Variants in TWIST2 observed in about 807,000 individuals in gnomAD.
TWIST2 encodes twist-related protein 2.
TWIST2 carries 1 observed loss-of-function variant against 11.6 expected under a neutral mutation model. That is an observed-to-expected ratio of 0.09 (90% CI 0.03 to 0.41). TWIST2 has a LOEUF of 0.41. Among genes scored for constraint, TWIST2 ranks in the 10% least tolerant of loss-of-function variants. TWIST2 has a pLI of 0.98. For synonymous variants in TWIST2, 87 were observed against 96.6 expected, an observed-to-expected ratio of 0.90 and a Z score of 0.58; for missense variants, 168 against 226.4, an observed-to-expected ratio of 0.74 and a Z score of 1.66.
At chr2:238,889,729 G>A (rs1021509223) in intron 1 of TWIST2, among the ~76,000 whole-genome samples, 1 of 152,176 alleles carries the variant, frequency 6.6e-6, no homozygotes, top group African/African-American at 2.4e-5. Flanking sequence ...CTCACAGGCT[G>A]GTGGCCACAT....
rs975363995 is a variant in TWIST2 at position 238,863,103 on chromosome 2, C to T, written c.*35+14370C>T. 4.0e-5 allele frequency among the ~76,000 whole-genome samples: 6 copies of T among 151,300 alleles called. No homozygotes were observed. ...CTGTATTACTTCTGCAATTTGAGAACACAAATCCAGAGGTGCCCAGTGCTT... is the reference window on the plus strand; with the variant it reads ...CTGTATTACTTCTGCAATTTGAGAATACAAATCCAGAGGTGCCCAGTGCTT... On this transcript the variant is annotated intron_variant, in intron 1 of 1. Transcript: ENST00000612363. This position sits in a 1 kb window ranked among gnomAD's most constrained non-coding sequence, Gnocchi z 4.7.
intron 1 of TWIST2, among the ~76,000 whole-genome samples, chr2:238,887,574 G>A (rs1253351884): frequency 2.0e-5 from 3 of 152,184 alleles, no homozygotes; most frequent in East Asian, 1.9e-4. Context: ...CTGGAAAGTC[G>A]ACTCTCTCCC....
intron 1 of TWIST2, among the ~76,000 whole-genome samples, chr2:238,850,790 A>G (rs1313162404): frequency 2.0e-5 from 3 of 152,236 alleles, no homozygotes; most frequent in Non-Finnish European, 4.4e-5. Context: ...TAAGGAGCCT[A>G]TTTATTTTTA....
intron 1 of TWIST2, among the ~76,000 whole-genome samples, chr2:238,858,925 A>G (rs1692378210): frequency 6.6e-6 from 1 of 152,152 alleles, no homozygotes; most frequent in Non-Finnish European, 1.5e-5. Flanking sequence ...CATAAAAACA[A>G]ATGAGGTTGG....
intron 1 of TWIST2, among the ~76,000 whole-genome samples, chr2:238,903,502 T>TGGG (rs1693305295): frequency 7.6e-6 from 1 of 132,298 alleles, no homozygotes; most frequent in African/African-American, 2.9e-5. Context: ...GTGTGTGATG[T>TGGG]GTGTGTGTGA....
chr2:238,877,113 C>T (rs1692822071), intron 1 of TWIST2, among the ~76,000 whole-genome samples: 2 of 152,098 alleles, frequency 1.3e-5, no homozygotes, highest in South Asian at 4.1e-4. Flanking sequence ...AGGAGAATTG[C>T]TTGAGCCCAG....
intron 1 of TWIST2, among the ~76,000 whole-genome samples, chr2:238,849,324 G>A (rs1422206466): frequency 6.6e-6 from 1 of 152,210 alleles, no homozygotes; most frequent in Non-Finnish European, 1.5e-5. Flanking sequence ...CGGGCCTGCG[G>A]CTCCAGGGTT....
At chr2:238,902,597 G>A (rs1445514744) in intron 1 of TWIST2, among the ~76,000 whole-genome samples, 2 of 149,876 alleles carry the variant, frequency 1.3e-5, no homozygotes, top group Non-Finnish European at 3.0e-5. Context: ...GTTGTAGTGT[G>A]TGTGATATGA....
Position 238,864,180 on chromosome 2 carries a change from G to C in TWIST2, c.*35+15447G>C, listed in dbSNP as rs1017600920. Among the ~76,000 whole-genome samples the C allele has an allele frequency of 6.6e-6, 1 of 152,080 alleles. No homozygotes were observed. Among genetic ancestry groups the C allele is most frequent in the African/African-American group, 2.4e-5 (1 of 41,370 alleles). ...ATATTTGTAAGTTTCCATCAGCATG[G>C]GGGGAAGGGGCTGGAGGTGAGGGGG... is the stretch of plus-strand genomic sequence containing the variant. On this transcript the variant is annotated intron_variant, in intron 1 of 1. Transcript: ENST00000612363. This position sits in a 1 kb window ranked among gnomAD's most constrained non-coding sequence, Gnocchi z 4.7.
intron 1 of TWIST2, among the ~76,000 whole-genome samples, chr2:238,871,563 C>T (rs1489398662): frequency 3.3e-5 from 4 of 121,942 alleles, no homozygotes; most frequent in East Asian, 3.0e-4. Context: ...CCACACACCA[C>T]ACACACACCC....
rs948745943 is a variant in TWIST2 at position 238,866,454 on chromosome 2, C to T, written c.*35+17721C>T. 2.6e-5 allele frequency among the ~76,000 whole-genome samples: 4 copies of T among 152,136 alleles called. No homozygotes were observed. The highest frequency in any genetic ancestry group is 1.9e-4 in the East Asian group (1 of 5,176). On this transcript the variant is annotated intron_variant, in intron 1 of 1. Transcript: ENST00000612363. This position sits in a 1 kb window ranked among gnomAD's most constrained non-coding sequence, Gnocchi z 4.9. ...CAGGCAGATCACGAGGTCAGGAATT[C>T]GAGACCAGCCTGGCCAACATGGTGA...
intron 1 of TWIST2, among the ~76,000 whole-genome samples, chr2:238,896,715 A>G (rs1693211700): frequency 6.6e-6 from 1 of 152,192 alleles, no homozygotes; most frequent in African/African-American, 2.4e-5. Context: ...ATTCCTGGGA[A>G]GGCCTGACTC....
At chr2:238,901,278 C>T (rs1693266357) in intron 1 of TWIST2, among the ~76,000 whole-genome samples, 1 of 152,188 alleles carries the variant, frequency 6.6e-6, no homozygotes, top group African/African-American at 2.4e-5. Context: ...TGCCGGCCTC[C>T]TTTGCCTTTT....
chr2:238,852,687 A>G (rs987201698), intron 1 of TWIST2, among the ~76,000 whole-genome samples: 4 of 138,652 alleles, frequency 2.9e-5, no homozygotes, highest in Admixed American at 7.2e-5. Flanking sequence ...ACGTGCACAC[A>G]CATGTACACA....
intron 1 of TWIST2, among the ~76,000 whole-genome samples, chr2:238,869,478 G>A (rs1692607138): frequency 6.6e-6 from 1 of 152,236 alleles, no homozygotes; most frequent in South Asian, 2.1e-4. Context: ...ATCCAGAAGA[G>A]ATGCAGGACT....
intron 1 of TWIST2, among the ~76,000 whole-genome samples, chr2:238,908,309 TAGAC>T (rs1693390790): frequency 1.5e-5 from 2 of 135,864 alleles, no homozygotes; most frequent in African/African-American, 5.6e-5. Context: ...ACACTGTACA[TAGAC>T]ACCACATACA....
At chr2:238,882,178 G>A (rs1692948211) in intron 1 of TWIST2, among the ~76,000 whole-genome samples, 1 of 152,098 alleles carries the variant, frequency 6.6e-6, no homozygotes, top group Non-Finnish European at 1.5e-5. Flanking sequence ...AGCCCCACTT[G>A]CCTTCTTTTC....
At chr2:238,858,567 CAAGTT>C (rs890910168) in intron 1 of TWIST2, among the ~76,000 whole-genome samples, 4 of 152,154 alleles carry the variant, frequency 2.6e-5, no homozygotes, top group African/African-American at 4.8e-5. Flanking sequence ...AGTCTTGACT[CAAGTT>C]AAGCAGTGGA....
intron 1 of TWIST2, among the ~76,000 whole-genome samples, chr2:238,861,774 A>C (rs1692441491): frequency 6.6e-6 from 1 of 152,246 alleles, no homozygotes; most frequent in South Asian, 2.1e-4. Context: ...ACCACAGTCC[A>C]AAGTTATTAA....
Sources: allele counts gnomAD v4.1 joint callset (sites outside exome capture counted in the v4.1 genomes callset), GRCh38; gene constraint gnomAD v4.1.1; non-coding constraint Gnocchi (gnomAD v3.1); transcripts MANE v1.5; gene names NCBI Gene and HGNC (gene_info 2026-07-23, HGNC 2026-07-21).